The following ARHGAP25 variants were observed in gnomAD, a reference collection of about 807,000 sequenced individuals.
The protein encoded by ARHGAP25 is Rho GTPase activating protein 25, also known as rho GTPase-activating protein 25.
Under a neutral mutation model 71.0 loss-of-function variants are expected in ARHGAP25, and 34 were observed. The ratio of observed to expected loss-of-function variants is 0.48; its 90% CI spans 0.36 to 0.64. The LOEUF (loss-of-function observed/expected upper bound fraction) is 0.64. ARHGAP25 is among the 30% of genes least tolerant of loss of function. The probability of loss-of-function intolerance (pLI) is 0.00; values close to 1 mark genes in which losing one functional copy is unlikely to be tolerated. For synonymous variants in ARHGAP25, 282 were observed against 296.5 expected, an observed-to-expected ratio of 0.95 and a Z score of 0.50; for missense variants, 706 against 805.1, an observed-to-expected ratio of 0.88 and a Z score of 1.49.
intron 10 of ARHGAP25, among the ~76,000 whole-genome samples, chr2:68,824,415 A>ACCC (rs1203624924): frequency 5.9e-5 from 9 of 152,324 alleles, no homozygotes; most frequent in Non-Finnish European, 1.2e-4. Context: ...GGTACAGAGA[A>ACCC]CTTGGAGAAG....
chr2:68,825,887 T>C (rs1035176793), intron 10 of ARHGAP25, 100 bp from the exon 11 acceptor site: 83 of 1,037,768 alleles, frequency 8.0e-5, no homozygotes, highest in East Asian at 5.8e-4. Flanking sequence ...AAGGGTCTTG[T>C]GATTTGAAAG....
chr2:68,770,256 G>A (rs1395656364), intron 1 of ARHGAP25, among the ~76,000 whole-genome samples: 1 of 152,188 alleles, frequency 6.6e-6, no homozygotes, highest in African/African-American at 2.4e-5. Context: ...GGTGTGTTAG[G>A]AAGCTGGATG....
At chr2:68,755,838 T>C (rs1488705520) in intron 1 of ARHGAP25, among the ~76,000 whole-genome samples, 2 of 152,392 alleles carry the variant, frequency 1.3e-5, no homozygotes, top group South Asian at 2.1e-4. Flanking sequence ...CCCTTTCTTT[T>C]GTTTCTACAA....
chr2:68,784,464 G>A (rs992772010), intron 3 of ARHGAP25, among the ~76,000 whole-genome samples: 8 of 152,000 alleles, frequency 5.3e-5, no homozygotes, highest in South Asian at 2.1e-4. Context: ...TTGCACAAAC[G>A]TCACATAGAA....
At chr2:68,723,069 T>G (rs1332255258) in intron 2 of ARHGAP25, among the ~76,000 whole-genome samples, 1 of 152,130 alleles carries the variant, frequency 6.6e-6, no homozygotes, top group Non-Finnish European at 1.5e-5. Flanking sequence ...CCAGTGCTCA[T>G]TTAGATGCAC....
chr2:68,774,154 A>G (rs1441920398), intron 1 of ARHGAP25, among the ~76,000 whole-genome samples: 1 of 152,152 alleles, frequency 6.6e-6, no homozygotes, highest in East Asian at 1.9e-4. Context: ...TGGCAGAAGG[A>G]GAGGGGTGCA....
At chr2:68,807,606 C>A in intron 5 of ARHGAP25, 126 bp downstream of exon 5, 1 of 929,130 alleles carries the variant, frequency 1.1e-6, no homozygotes, top group Non-Finnish European at 1.6e-6. Context: ...TGGCTTACAA[C>A]AGAAAGAGCC....
intron 4 of ARHGAP25, among the ~76,000 whole-genome samples, chr2:68,802,210 C>T (rs1680014092): frequency 6.6e-6 from 1 of 151,910 alleles, no homozygotes; most frequent in African/African-American, 2.4e-5. Context: ...AGATCGAGAC[C>T]TTCCTGGCTA....
At chr2:68,718,617 A>G (rs1456431273) in intron 2 of ARHGAP25, among the ~76,000 whole-genome samples, 1 of 152,226 alleles carries the variant, frequency 6.6e-6, no homozygotes, top group Non-Finnish European at 1.5e-5. Context: ...CTAGATAGAT[A>G]CATAGATAGA....
Position 68,813,328 on chromosome 2 carries a change from A to G in ARHGAP25, c.716A>G (p.Tyr239Cys). The stretch of plus-strand genomic sequence containing the variant: ...ACTGTGGCTTCCCTGTTAAAGCTCT[A>G]CCTCCGAGACCTCCCAGAGCCCGTG... ...VHTVASLLKL[Y>C]LRDLPEPVVP... Residue 239 changes from tyrosine (Y) to cysteine (C), a missense_variant, in exon 6 of 11, where the codon TAC (tyrosine) becomes TGC (cysteine). Transcript: ENST00000409202. The G allele has an allele frequency of 2.5e-6, 4 of 1,613,826 alleles. No individual in the cohort carries two copies. The highest frequency in any genetic ancestry group is 3.4e-6 in the Non-Finnish European group (4 of 1,179,936).
rs1277679702 is a variant in ARHGAP25 at position 68,775,114 on chromosome 2, T to TC, written c.62-101dup. ...ACCCCTGAACTGGACCTGGTTGTCG[T>TC]CCCCCCGCTTCTCAGCCCCCTCTGG... On this transcript the variant is annotated intron_variant, in intron 1 of 10. Transcript: ENST00000409202. 80 of 1,594,422 alleles carry TC rather than the reference T, an allele frequency of 5.0e-5. 1 individual carries two copies. The South Asian group carries it at 6.1e-4, about 12-fold the overall frequency.
intron 3 of ARHGAP25, 40 bp downstream of exon 3, chr2:68,782,360 TA>T: frequency 1.9e-6 from 3 of 1,577,952 alleles, no homozygotes; most frequent in Non-Finnish European, 2.6e-6. Flanking sequence ...AGTGCAGAAG[TA>T]AAATTCCCAT....
chr2:68,820,998 C>A (rs571975182), intron 9 of ARHGAP25, among the ~76,000 whole-genome samples: 2 of 152,044 alleles, frequency 1.3e-5, no homozygotes, highest in East Asian at 3.9e-4. Flanking sequence ...CCTCATATGA[C>A]CTCATGTTTT....
intron 1 of ARHGAP25, among the ~76,000 whole-genome samples, chr2:68,757,245 G>T (rs1676539084): frequency 6.6e-6 from 1 of 152,062 alleles, no homozygotes; most frequent in Non-Finnish European, 1.5e-5. Context: ...GGTGCAGAGA[G>T]AATATTTGAA....
In ARHGAP25 at chr2:68,747,249, TC is replaced by T. The variant is rs150916560; in HGVS notation, c.61+11991del. Among the ~76,000 whole-genome samples the T allele has an allele frequency of 8.6e-3, 1,304 of 152,238 alleles. 22 individuals carry two copies. Among genetic ancestry groups the T allele is most frequent in the African/African-American group, 0.03 (1,226 of 41,534 alleles). On this transcript the variant is annotated intron_variant, in intron 1 of 10. Transcript: ENST00000409202. The stretch of plus-strand genomic sequence containing the variant: ...TTTCCCTTACCTCATTAGTTACTCT[TC>T]CTGAGTCTGCTTTCATGAAGTCTCC...
rs1675121631 is a variant in ARHGAP25 at position 68,734,822 on chromosome 2, A to AACTGCTCAGTAAGTTGTTTAT, written c.-378_-377insACTGCTCAGTAAGTTGTTTAT. ...AACCAAGAGGCAGCAGTTGTTTATC[A>AACTGCTCAGTAAGTTGTTTAT]CGACCTCAACTCAGTAAGGCCTGAG... On this transcript the variant is annotated 5_prime_UTR_variant, in exon 1 of 11. Coordinates refer to ENST00000409202, the MANE Select transcript of ARHGAP25 (RefSeq NM_001007231.3). The AACTGCTCAGTAAGTTGTTTAT allele has an allele frequency of 4.0e-6, 1 of 248,684 alleles. No individual in the cohort carries two copies. Among genetic ancestry groups the AACTGCTCAGTAAGTTGTTTAT allele is most frequent in the African/African-American group, 2.3e-5 (1 of 44,386 alleles). 15.4% of individuals were successfully genotyped at this position (248,684 alleles called of 1,614,324 possible). A position where few individuals can be genotyped will look rare whatever the true frequency, so the allele number is the denominator to read the frequency against.
At chr2:68,796,768 G>A (rs1416983411) in intron 4 of ARHGAP25, among the ~76,000 whole-genome samples, 1 of 152,182 alleles carries the variant, frequency 6.6e-6, no homozygotes, top group African/African-American at 2.4e-5. Flanking sequence ...CAGGCAAGTC[G>A]ATTCTTGGGC....
intron 2 of ARHGAP25, chr2:68,775,695 A>T (rs780230149): frequency 4.0e-5 from 24 of 599,914 alleles, no homozygotes; most frequent in South Asian, 2.9e-4. Flanking sequence ...GATGGTAGTG[A>T]CACTCAGTCA....
chr2:68,731,693 T>A (rs948302596), upstream of ARHGAP25, among the ~76,000 whole-genome samples: 3 of 152,120 alleles, frequency 2.0e-5, no homozygotes, highest in African/African-American at 7.2e-5. Flanking sequence ...TGGTTTTGTC[T>A]GGAATCCTTT....
Sources: allele counts gnomAD v4.1 joint callset (sites outside exome capture counted in the v4.1 genomes callset), GRCh38; gene constraint gnomAD v4.1.1; transcripts MANE v1.5; gene names NCBI Gene and HGNC (gene_info 2026-07-23, HGNC 2026-07-21).